Variants in OTUD7A observed in about 807,000 individuals in gnomAD.
The protein encoded by OTUD7A is OTU deubiquitinase 7A, also known as OTU domain-containing protein 7A.
A neutral mutation model predicts 65.7 loss-of-function variants in OTUD7A; 12 were observed. The observed-to-expected ratio is 0.18, with a 90% CI of 0.12 to 0.30. The LOEUF is 0.30. OTUD7A is among the 10% of genes least tolerant of loss of function. The probability of loss-of-function intolerance (pLI) is 1.00; values close to 1 mark genes in which losing one functional copy is unlikely to be tolerated. For synonymous variants in OTUD7A, 641 were observed against 586.3 expected, an observed-to-expected ratio of 1.09 and a Z score of -1.35; for missense variants, 1,148 against 1,304.8, an observed-to-expected ratio of 0.88 and a Z score of 1.85.
intron 1 of OTUD7A, among the ~76,000 whole-genome samples, chr15:31,736,460 C>CAA (rs903107101): frequency 1.3e-5 from 2 of 151,952 alleles, no homozygotes; most frequent in Non-Finnish European, 2.9e-5. Context: ...TAGCAGAAAA[C>CAA]AAAAAAGAGG....
chr15:31,858,362 G>A (rs917538282), intron 1 of OTUD7A, among the ~76,000 whole-genome samples: 3 of 152,146 alleles, frequency 2.0e-5, no homozygotes, highest in African/African-American at 7.2e-5. Context: ...TGGCTAGCAT[G>A]GAAGGCTTCG....
In OTUD7A at chr15:31,479,753, G is replaced by T. The variant is rs2041088826; in HGVS notation, c.*3541C>A. 3 of 152,040 alleles carry T rather than the reference G, an allele frequency of 2.0e-5. No individual in the cohort carries two copies. Among genetic ancestry groups the T allele is most frequent in the Admixed American group, 1.3e-4 (2 of 15,262 alleles). 9.4% of individuals were successfully genotyped at this position (152,040 alleles called of 1,614,324 possible). On this transcript the variant is annotated 3_prime_UTR_variant, in exon 13 of 13. Transcript: ENST00000307050. ...CCACACCCTGAGGTGTGCACCTGGG[G>T]GGCATGGAGAGTCCTTTTATCTTCA... is the stretch of plus-strand genomic sequence containing the variant.
chr15:31,831,278 A>T (rs1896923941), intron 1 of OTUD7A, among the ~76,000 whole-genome samples: 1 of 152,224 alleles, frequency 6.6e-6, no homozygotes, highest in African/African-American at 2.4e-5. Flanking sequence ...AACCACAAAT[A>T]AAAAAATAAT....
chr15:31,736,832 G>C (rs1205157786), intron 1 of OTUD7A, among the ~76,000 whole-genome samples: 2 of 151,286 alleles, frequency 1.3e-5, no homozygotes, highest in Middle Eastern at 3.2e-3. Flanking sequence ...TTTTTTTTGG[G>C]GGGGCGGGGG....
intron 1 of OTUD7A, among the ~76,000 whole-genome samples, chr15:31,803,185 G>A (rs1896180710): frequency 6.6e-6 from 1 of 152,158 alleles, no homozygotes; most frequent in Non-Finnish European, 1.5e-5. Flanking sequence ...CAGGTCACCA[G>A]GTCATTCAGC....
Position 31,846,629 on chromosome 15 carries a change from G to GC in OTUD7A, c.-100+23877dup, listed in dbSNP as rs1159354980. Reference sequence around the variant, plus strand: ...AGCCATGGTGCCCAGCCCCCGGTGAGCCCCCATCAATATCCAGTTCAACAA... The same window carrying GC: ...AGCCATGGTGCCCAGCCCCCGGTGAGCCCCCCATCAATATCCAGTTCAACAA... On this transcript the variant is annotated intron_variant, in intron 1 of 12. Coordinates refer to ENST00000307050, the MANE Select transcript of OTUD7A (RefSeq NM_001382637.1). 2.0e-5 allele frequency among the ~76,000 whole-genome samples: 3 copies of GC among 152,172 alleles called. No individual in the cohort carries two copies. The East Asian group carries it at 5.8e-4, about 29-fold the overall frequency.
At chr15:31,587,639 CAAA>C (rs11445101) in intron 3 of OTUD7A, among the ~76,000 whole-genome samples, 1 of 129,866 alleles carries the variant, frequency 7.7e-6, no homozygotes, top group Non-Finnish European at 1.7e-5. Flanking sequence ...GACTCCATTT[CAAA>C]AAAAAAAAAA....
chr15:31,519,141 T>TGTGC (rs1566898773), intron 8 of OTUD7A, among the ~76,000 whole-genome samples: 1 of 146,496 alleles, frequency 6.8e-6, no homozygotes, highest in Non-Finnish European at 1.5e-5. Context: ...TGTGTGTGTG[T>TGTGC]GCACGCACGC....
chr15:31,754,881 C>G (rs560010338), intron 1 of OTUD7A, among the ~76,000 whole-genome samples: 1 of 152,278 alleles, frequency 6.6e-6, no homozygotes, highest in South Asian at 2.1e-4. Context: ...CAGGGGTCCA[C>G]AGACCACAGT....
intron 5 of OTUD7A, among the ~76,000 whole-genome samples, chr15:31,550,831 G>A (rs951324161): frequency 4.6e-5 from 7 of 152,174 alleles, no homozygotes; most frequent in African/African-American, 1.4e-4. Flanking sequence ...ATCCTGGGAG[G>A]CGTATCCTGG....
chr15:31,845,303 G>A (rs1446172711), intron 1 of OTUD7A, among the ~76,000 whole-genome samples: 2 of 152,198 alleles, frequency 1.3e-5, no homozygotes, highest in African/African-American at 2.4e-5. Context: ...ATCTCAAGGG[G>A]AGGAGAATTG....
intron 1 of OTUD7A, among the ~76,000 whole-genome samples, chr15:31,672,235 T>C (rs1270526041): frequency 6.6e-6 from 1 of 152,214 alleles, no homozygotes; most frequent in Non-Finnish European, 1.5e-5. Flanking sequence ...CACAAATCAA[T>C]CTTCCTGGTC....
At chr15:31,778,610 A>C (rs1358127695) in intron 1 of OTUD7A, among the ~76,000 whole-genome samples, 1 of 152,238 alleles carries the variant, frequency 6.6e-6, no homozygotes, top group Non-Finnish European at 1.5e-5. Flanking sequence ...TGCAGGCTAC[A>C]GAGTGTTTGA....
chr15:31,599,848 C>T (rs556977063), intron 3 of OTUD7A, among the ~76,000 whole-genome samples: 34 of 151,934 alleles, frequency 2.2e-4, no homozygotes, highest in African/African-American at 8.2e-4. Flanking sequence ...GAAGCATACA[C>T]AAATATCAAT....
intron 3 of OTUD7A, among the ~76,000 whole-genome samples, chr15:31,611,219 G>A (rs146916466): frequency 2.2e-3 from 342 of 152,214 alleles, no homozygotes; most frequent in African/African-American, 7.8e-3. Flanking sequence ...AGCACAAACT[G>A]ACATTCTCAG....
intron 1 of OTUD7A, among the ~76,000 whole-genome samples, chr15:31,749,889 C>A (rs184734872): frequency 5.3e-4 from 80 of 151,994 alleles, no homozygotes; most frequent in African/African-American, 1.9e-3. Flanking sequence ...AATCAACGTG[C>A]AAAAATCAGT....
chr15:31,533,182 A>G (rs1341736737), intron 5 of OTUD7A, among the ~76,000 whole-genome samples: 1 of 152,080 alleles, frequency 6.6e-6, no homozygotes, highest in Non-Finnish European at 1.5e-5. Context: ...ACAATTCTAA[A>G]GACAGTGCAT....
intron 10 of OTUD7A, among the ~76,000 whole-genome samples, chr15:31,497,724 T>G (rs1006526944): frequency 2.0e-5 from 3 of 152,116 alleles, no homozygotes; most frequent in Non-Finnish European, 2.9e-5. Flanking sequence ...GAGCCTCTTC[T>G]CTTGGAGATG....
At chr15:31,503,532 G>C (rs1380114019) in intron 9 of OTUD7A, among the ~76,000 whole-genome samples, 159 bp downstream of exon 9, 1 of 152,214 alleles carries the variant, frequency 6.6e-6, no homozygotes, top group East Asian at 1.9e-4. Flanking sequence ...AATCTCTGCT[G>C]CCATCAGGGA....
Sources: allele counts gnomAD v4.1 joint callset (sites outside exome capture counted in the v4.1 genomes callset), GRCh38; gene constraint gnomAD v4.1.1; transcripts MANE v1.5; gene names NCBI Gene and HGNC (gene_info 2026-07-23, HGNC 2026-07-21).